The following CDH13 variants were observed in gnomAD, a reference collection of about 807,000 sequenced individuals.
CDH13 encodes cadherin 13, also known as cadherin-13.
Under a neutral mutation model 63.8 loss-of-function variants are expected in CDH13, and 24 were observed. The observed-to-expected ratio is 0.38, with a 90% CI of 0.27 to 0.53. The LOEUF (loss-of-function observed/expected upper bound fraction) is 0.53. Ranked by LOEUF, CDH13 falls within the 20% of genes least tolerant of loss-of-function variation. The pLI is 0.85. For missense variants in CDH13, 1,049 were observed against 903.1 expected, an observed-to-expected ratio of 1.16 and a Z score of -2.07; for synonymous variants, 503 against 355.3, an observed-to-expected ratio of 1.42 and a Z score of -4.67.
intron 5 of CDH13, among the ~76,000 whole-genome samples, chr16:83,236,260 C>CACACAA (rs2040140644): frequency 6.6e-6 from 1 of 151,848 alleles, no homozygotes; most frequent in Non-Finnish European, 1.5e-5. Context: ...CACACACACA[C>CACACAA]ACATAGGTTT....
intron 1 of CDH13, among the ~76,000 whole-genome samples, chr16:82,748,447 G>C (rs937049321): frequency 6.6e-6 from 1 of 152,138 alleles, no homozygotes; most frequent in Non-Finnish European, 1.5e-5. Context: ...TCATCTCTTG[G>C]TAGTGTCATC....
intron 2 of CDH13, among the ~76,000 whole-genome samples, chr16:82,877,668 T>C (rs1001981380): frequency 6.6e-5 from 10 of 152,128 alleles, no homozygotes; most frequent in African/African-American, 2.4e-4. Flanking sequence ...GTCTTTATGA[T>C]GTGAAAATGC....
intron 3 of CDH13, among the ~76,000 whole-genome samples, chr16:83,103,734 A>G (rs8060436): frequency 1.3e-5 from 2 of 152,070 alleles, no homozygotes; most frequent in Non-Finnish European, 2.9e-5. Flanking sequence ...AGTATGGGAT[A>G]CATCACAGAA....
At chr16:83,080,837 C>T (rs1286316770) in intron 3 of CDH13, among the ~76,000 whole-genome samples, 1 of 144,252 alleles carries the variant, frequency 6.9e-6, no homozygotes, top group Non-Finnish European at 1.5e-5. Flanking sequence ...TTAGTAAGGA[C>T]TCCAGGCAAG....
At chr16:82,788,274 GA>G (rs1372001222) in intron 1 of CDH13, among the ~76,000 whole-genome samples, 1 of 152,154 alleles carries the variant, frequency 6.6e-6, no homozygotes, top group African/African-American at 2.4e-5. Flanking sequence ...GGATGGTTGG[GA>G]TGGTTCTCCA....
At chr16:83,562,113 G>C (rs1481489688) in intron 7 of CDH13, among the ~76,000 whole-genome samples, 1 of 152,154 alleles carries the variant, frequency 6.6e-6, no homozygotes, top group East Asian at 1.9e-4. Flanking sequence ...TAGTGCAAAA[G>C]TCTGCATGGG....
chr16:82,916,917 G>C (rs1462702146), intron 2 of CDH13, among the ~76,000 whole-genome samples: 1 of 152,130 alleles, frequency 6.6e-6, no homozygotes, highest in East Asian at 1.9e-4. Context: ...GTTCTGGTTA[G>C]TATGTAGCAA....
At chr16:83,246,561 AT>A (rs373634977) in intron 5 of CDH13, among the ~76,000 whole-genome samples, 3,050 of 151,970 alleles carry the variant, frequency 0.02, 45 homozygotes, top group Non-Finnish European at 0.03. Context: ...TCTAGAATGT[AT>A]TTTTTTAGAA....
Position 83,742,324 on chromosome 16 carries a change from G to A in CDH13, c.1539-5784G>A, listed in dbSNP as rs189218016. 7.0e-3 allele frequency among the ~76,000 whole-genome samples: 1,072 copies of A among 152,268 alleles called. 57 individuals are homozygous for A. The highest frequency in any genetic ancestry group is 0.065 in the Admixed American group (990 of 15,306). On this transcript the variant is annotated intron_variant, in intron 10 of 13. Transcript: ENST00000567109. ...AATTCTGTTAATCAGTTTGCCTTGC[G>A]TCTCCCAACACCGACACCCAGAAGA... is the stretch of plus-strand genomic sequence containing the variant.
chr16:82,889,111 T>C (rs1455091576), intron 2 of CDH13, among the ~76,000 whole-genome samples: 2 of 152,250 alleles, frequency 1.3e-5, no homozygotes, highest in African/African-American at 4.8e-5. Context: ...TTATTCCCCT[T>C]AACCTTATTT....
rs575043486 is a variant in CDH13, at chr16:83,084,211, A to G, written c.367-41174A>G. Among the ~76,000 whole-genome samples, 7 of 152,340 alleles carry G rather than the reference A, an allele frequency of 4.6e-5. No individual in the cohort carries two copies. The South Asian group carries it at 1.2e-3, about 27-fold the overall frequency. On this transcript the variant is annotated intron_variant, in intron 3 of 13. Transcript: ENST00000567109. ...CAAAAGATTGGAGCCAACTGATTGC[A>G]TTATTAGCTGAGGAAAAAGTGTGTG...
At chr16:83,307,858 C>T (rs1350255787) in intron 5 of CDH13, among the ~76,000 whole-genome samples, 1 of 152,198 alleles carries the variant, frequency 6.6e-6, no homozygotes. Context: ...AATATGCGTG[C>T]TGCCGTTAGC....
At chr16:83,082,856 C>T (rs2033346165) in intron 3 of CDH13, among the ~76,000 whole-genome samples, 1 of 152,206 alleles carries the variant, frequency 6.6e-6, no homozygotes, top group African/African-American at 2.4e-5. Context: ...TTCGGTGCTG[C>T]TGTTTTAACA....
chr16:83,713,509 C>CA (rs368960124), intron 10 of CDH13, among the ~76,000 whole-genome samples: 1,809 of 140,892 alleles, frequency 0.013, 77 homozygotes, highest in Admixed American at 0.084. Context: ...TTCTCGTCAC[C>CA]AAAAAAAAAA....
chr16:83,358,034 C>T (rs1434868844), intron 6 of CDH13, among the ~76,000 whole-genome samples: 1 of 152,170 alleles, frequency 6.6e-6, no homozygotes, highest in Non-Finnish European at 1.5e-5. Flanking sequence ...GAAACTGAAA[C>T]TTCAAGAAGC....
chr16:83,745,943 T>C (rs1048170488), intron 10 of CDH13, among the ~76,000 whole-genome samples: 1 of 152,214 alleles, frequency 6.6e-6, no homozygotes, highest in Non-Finnish European at 1.5e-5. Flanking sequence ...CTAAGTTAGC[T>C]GGGAAGCAGC....
chr16:83,446,671 T>A lies in CDH13; in HGVS notation c.782-39806T>A, dbSNP rs528683748. Among the ~76,000 whole-genome samples the A allele has an allele frequency of 2.6e-5, 4 of 152,284 alleles. No homozygotes were observed. The South Asian group carries it at 8.3e-4, about 32-fold the overall frequency. On this transcript the variant is annotated intron_variant, in intron 6 of 13. Transcript: ENST00000567109. ...GGTAATCAAAGGAACGAGCTCCAGA[T>A]AGGAAAGTCTTCCCTGTAATTAATT... is the stretch of plus-strand genomic sequence containing the variant.
chr16:83,591,250 T>C (rs1906715784), intron 7 of CDH13, among the ~76,000 whole-genome samples: 1 of 152,184 alleles, frequency 6.6e-6, no homozygotes, highest in African/African-American at 2.4e-5. Context: ...ACTCTATGTC[T>C]TACGTACCTG....
chr16:83,762,030 C>T (rs968631501), intron 11 of CDH13, among the ~76,000 whole-genome samples: 1 of 151,982 alleles, frequency 6.6e-6, no homozygotes, highest in African/African-American at 2.4e-5. Context: ...CCACTGCACT[C>T]CAGCCTGGGT....
Sources: gnomAD v4.1 joint callset for allele counts (sites outside exome capture counted in the v4.1 genomes callset) on GRCh38, gnomAD v4.1.1 for gene constraint, MANE v1.5 for transcripts, NCBI Gene and HGNC (gene_info 2026-07-23, HGNC 2026-07-21) for gene names.